The following SUPT6H variants were observed in gnomAD, a reference collection of about 807,000 sequenced individuals.
The protein encoded by SUPT6H is SPT6 homolog, histone chaperone and transcription elongation factor, also known as transcription elongation factor SPT6.
A neutral mutation model predicts 222.3 loss-of-function variants in SUPT6H; 11 were observed. That is an observed-to-expected ratio of 0.05 (90% CI 0.03 to 0.08). The LOEUF (loss-of-function observed/expected upper bound fraction) is 0.08. SUPT6H is among the 10% of genes least tolerant of loss of function. The pLI is 1.00. For missense variants in SUPT6H, 1,422 were observed against 2,216.0 expected (o/e 0.64, Z 7.19); for synonymous variants, 762 against 801.2 (o/e 0.95, Z 0.83).
chr17:28,688,041 G>A lies in SUPT6H; in HGVS notation c.3007-50G>A, dbSNP rs1427208008. On this transcript the variant is annotated intron_variant, in intron 23 of 36. Transcript: ENST00000314616. The surrounding 1 kb of genome is among the most constrained non-coding windows in gnomAD (Gnocchi z 4.3). ...TTTAATAGAGACTGGAACAGTCTGG[G>A]GAGGTGGGGCCTGCTTACTGCCCTG... 3.2e-6 allele frequency: 5 copies of A among 1,544,316 alleles called. No homozygotes were observed. Among genetic ancestry groups the A allele is most frequent in the Non-Finnish European group, 4.4e-6 (5 of 1,142,960 alleles).
chr17:28,700,702 G>A (rs1039351046), intron 35 of SUPT6H, 190 bp downstream of exon 35: 8 of 962,838 alleles, frequency 8.3e-6, no homozygotes, highest in Admixed American at 5.7e-5. Flanking sequence ...ACCTTTCCAC[G>A]GGCCTTTGGG....
intron 27 of SUPT6H, chr17:28,691,926 A>G (rs2031672553): frequency 6.6e-6 from 1 of 151,380 alleles, no homozygotes; most frequent in Non-Finnish European, 1.5e-5. Context: ...GCACGTACGT[A>G]TAGTGCCAGC....
intron 4 of SUPT6H, 58 bp downstream of exon 4, chr17:28,674,671 T>C: frequency 6.5e-7 from 1 of 1,543,476 alleles, no homozygotes; most frequent in South Asian, 1.1e-5. Context: ...CCTGGAAATT[T>C]CAATGTCTGT....
intron 30 of SUPT6H, 25 bp from the exon 31 acceptor site, chr17:28,697,595 T>G (rs755765702): frequency 6.3e-7 from 1 of 1,585,950 alleles, no homozygotes; most frequent in Non-Finnish European, 8.7e-7. Context: ...ATATGACACA[T>G]GGGGCCTTTA....
Position 28,683,728 on chromosome 17 carries a change from A to T in SUPT6H, c.2141A>T (p.Glu714Val). 1 of 1,614,168 alleles carries T rather than the reference A, an allele frequency of 6.2e-7. No homozygotes were observed. Among genetic ancestry groups the T allele is most frequent in the Non-Finnish European group, 8.5e-7 (1 of 1,180,028 alleles). Residue 714 changes from glutamate (E) to valine (V), a missense_variant, in exon 17 of 37, where the codon GAA becomes GTA. Glu to Val is a moderately radical substitution (Grantham distance 121). Around this residue, in one of 13 missense-constraint regions of SUPT6H, gnomAD observed 294 missense variants for 382.1 expected, o/e 0.77. Coordinates refer to ENST00000314616, the MANE Select transcript of SUPT6H (RefSeq NM_003170.5). ...AACCGGCAGCGCACCATGGCCATCG[A>T]ACGGGCTTTACAGCAGTTCCTCTAT... ...EWNRQRTMAI[E>V]RALQQFLYVQ...
chr17:28,663,488 A>G (rs1004749914), intron 1 of SUPT6H, among the ~76,000 whole-genome samples: 1 of 152,140 alleles, frequency 6.6e-6, no homozygotes, highest in Non-Finnish European at 1.5e-5. Context: ...CTGAAAGCCT[A>G]CCTAGTGTGG....
In SUPT6H at chr17:28,697,649, T is replaced by G. The variant is rs760096029; in HGVS notation, c.4239T>G (p.Ala1413=). ...EEFEDLDEIV[A]RYVQPMASFA... is the part of the protein sequence containing the mutation. Reference sequence around the variant, plus strand: ...TCGAAGATTTGGATGAGATTGTTGCTCGCTATGTCCAGCCCATGGCATCCT... The same window carrying G: ...TCGAAGATTTGGATGAGATTGTTGCGCGCTATGTCCAGCCCATGGCATCCT... The change falls in exon 31 of 37, where the codon GCT becomes GCG. Residue 1413 remains alanine (A), a synonymous_variant. Coordinates refer to ENST00000314616, the MANE Select transcript of SUPT6H (RefSeq NM_003170.5). 46 of 1,614,072 alleles carry G rather than the reference T, an allele frequency of 2.8e-5. No homozygotes were observed. Among genetic ancestry groups the G allele is most frequent in the Non-Finnish European group, 3.9e-5 (46 of 1,180,036 alleles).
chr17:28,673,098 C>T (rs1034543932), intron 1 of SUPT6H, among the ~76,000 whole-genome samples: 21 of 149,200 alleles, frequency 1.4e-4, no homozygotes, highest in Non-Finnish European at 2.2e-4. Flanking sequence ...TTGCAGTGAA[C>T]GGAGATTGCG....
At chr17:28,665,222 T>C (rs1037199710) in intron 1 of SUPT6H, among the ~76,000 whole-genome samples, 5 of 152,192 alleles carry the variant, frequency 3.3e-5, no homozygotes, top group Admixed American at 6.6e-5. Context: ...TTATATACCA[T>C]GTTCTTGCCC....
In SUPT6H at chr17:28,695,627, C is replaced by T. The variant is rs945302721; in HGVS notation, c.3970+80C>T. 6.9e-6 allele frequency: 10 copies of T among 1,458,502 alleles called. No homozygotes were observed. In the African/African-American group the frequency reaches 9.8e-5, roughly 14 times the overall value. 90.3% of individuals were successfully genotyped at this position (1,458,502 alleles called of 1,614,324 possible). A position where few individuals can be genotyped will look rare whatever the true frequency, so the allele number is the denominator to read the frequency against. On this transcript the variant is annotated intron_variant, in intron 29 of 36. Coordinates refer to ENST00000314616, the MANE Select transcript of SUPT6H (RefSeq NM_003170.5). ...TGCAGGATTCAGGCCACAGGATGCACATGTGTCAGTCTCCCAGTGGAAGTG... is the reference window on the plus strand; with the variant it reads ...TGCAGGATTCAGGCCACAGGATGCATATGTGTCAGTCTCCCAGTGGAAGTG...
At position 28,691,478 on chromosome 17, in the gene SUPT6H, A is replaced by T. The variant is rs968632004; in HGVS notation, c.3633+415A>T. On this transcript the variant is annotated intron_variant, in intron 27 of 36. Transcript: ENST00000314616. ...GAGGCGGAGTTTGCAGTGAGCCGAG[A>T]TCATACCACTGCACTGCAGCCTGGG... 3.5e-5 allele frequency: 6 copies of T among 172,502 alleles called. No homozygotes were observed. The South Asian group carries it at 8.3e-4, about 24-fold the overall frequency. 10.7% of individuals were successfully genotyped at this position (172,502 alleles called of 1,614,324 possible). A position where few individuals can be genotyped will look rare whatever the true frequency, so the allele number is the denominator to read the frequency against.
chr17:28,684,496 G>A, intron 17 of SUPT6H, 90 bp from the exon 18 acceptor site: 3 of 1,495,798 alleles, frequency 2.0e-6, no homozygotes, highest in South Asian at 2.3e-5. Context: ...TCGCACATGT[G>A]TGTATGAGTG....
At chr17:28,667,401 G>GTATA (rs1487315926) in intron 1 of SUPT6H, among the ~76,000 whole-genome samples, 4 of 20,024 alleles carry the variant, frequency 2.0e-4, no homozygotes, top group East Asian at 1.4e-3. Flanking sequence ...AAAAGTGTGT[G>GTATA]TGTGTATATA....
At chr17:28,682,031 G>A (rs78380117) in intron 13 of SUPT6H, 51 bp downstream of exon 13, 40,615 of 1,481,254 alleles carry the variant, frequency 0.027, 648 homozygotes, top group Non-Finnish European at 0.032. Flanking sequence ...AGCAAGGGGA[G>A]TTACCCAGAA....
chr17:28,672,891 C>CT (rs1405941484), intron 1 of SUPT6H: 3 of 152,904 alleles, frequency 2.0e-5, no homozygotes, highest in African/African-American at 7.2e-5. Flanking sequence ...TGGCTCACGC[C>CT]TGTAATCCCA....
intron 19 of SUPT6H, 27 bp downstream of exon 19, chr17:28,684,988 G>T: frequency 1.9e-6 from 3 of 1,589,962 alleles, no homozygotes; most frequent in Non-Finnish European, 2.6e-6. Context: ...AGGATACTAA[G>T]TGTACATCTG....
At chr17:28,692,039 G>T (rs1354788871) in intron 27 of SUPT6H, among the ~76,000 whole-genome samples, 1 of 151,478 alleles carries the variant, frequency 6.6e-6, no homozygotes, top group Non-Finnish European at 1.5e-5. Flanking sequence ...AAAGGGAGGG[G>T]CTGGCCGGGC....
intron 6 of SUPT6H, 133 bp downstream of exon 6, chr17:28,675,618 C>A: frequency 3.5e-6 from 3 of 858,356 alleles, no homozygotes; most frequent in South Asian, 3.1e-5. Flanking sequence ...CCTCAAATAA[C>A]CTCTACCAGG....
chr17:28,686,657 C>T lies in SUPT6H; in HGVS notation c.2568C>T (p.Asp856=), dbSNP rs183524474. 359 of 1,591,126 alleles carry T rather than the reference C, an allele frequency of 2.3e-4. 3 individuals are homozygous for T. The East Asian group carries it at 5.7e-3, about 25-fold the overall frequency. Residue 856 remains aspartate, a synonymous_variant, in exon 21 of 37, where the codon GAC becomes GAT. Coordinates refer to ENST00000314616, the MANE Select transcript of SUPT6H (RefSeq NM_003170.5). ...HVVTVAGENR[D]AQMLIEDVKR... is the part of the protein sequence containing the mutation. The stretch of plus-strand genomic sequence containing the variant: ...TGACCAACACTCATCCCACCAGGGA[C>T]GCCCAGATGTTGATTGAAGATGTGA...
Sources: gnomAD v4.1 joint callset for allele counts (sites outside exome capture counted in the v4.1 genomes callset) on GRCh38, gnomAD v4.1.1 for gene constraint, gnomAD v4.1.1 regional missense constraint, Gnocchi (gnomAD v3.1) non-coding constraint, MANE v1.5 for transcripts, NCBI Gene and HGNC (gene_info 2026-07-23, HGNC 2026-07-21) for gene names.